DCDC2: variants seen among roughly 807,000 people sequenced by gnomAD.
The protein encoded by DCDC2 is doublecortin domain containing 2.
DCDC2 carries 40 observed loss-of-function variants against 50.2 expected under a neutral mutation model. The ratio of observed to expected loss-of-function variants is 0.80; its 90% confidence interval spans 0.62 to 1.04. The LOEUF is 1.04. Among genes scored for constraint, DCDC2 ranks in the 50% least tolerant of loss-of-function variants. The pLI is 0.00. For missense variants in DCDC2, 570 were observed against 581.9 expected (o/e 0.98, Z 0.21); for synonymous variants, 234 against 210.6 (o/e 1.11, Z -0.96).
chr6:24,207,258 C>T (rs1040920786), intron 7 of DCDC2, among the ~76,000 whole-genome samples: 1 of 134,134 alleles, frequency 7.5e-6, no homozygotes, highest in Non-Finnish European at 1.6e-5. Flanking sequence ...ATCTATCTTT[C>T]TCTCTCTCTC....
At position 24,306,172 on chromosome 6, in the gene DCDC2, G is replaced by A. The variant is rs962989294; in HGVS notation, c.349-4128C>T. On this transcript the variant is annotated intron_variant, in intron 2 of 9. Transcript: ENST00000378454. ...CTCAGAGCCCCGTGTAGCCAGGGAT[G>A]GAGTTCACTGGTGAGCAGACTGACC... Among the ~76,000 whole-genome samples, 11 of 152,254 alleles carry A rather than the reference G, an allele frequency of 7.2e-5. No homozygotes were observed. In the South Asian group the frequency reaches 2.3e-3, roughly 32 times the overall value.
chr6:24,269,819 G>T (rs1195940365), intron 7 of DCDC2, among the ~76,000 whole-genome samples: 1 of 151,872 alleles, frequency 6.6e-6, no homozygotes, highest in African/African-American at 2.4e-5. Context: ...AGAAAAGAGG[G>T]TCTAAATGCT....
intron 9 of DCDC2, among the ~76,000 whole-genome samples, chr6:24,175,045 A>G (rs1760872055): frequency 6.6e-6 from 1 of 152,162 alleles, no homozygotes; most frequent in Non-Finnish European, 1.5e-5. Flanking sequence ...TTTGGGGTTC[A>G]TAATCTACTA....
chr6:24,289,896 G>A (rs1003026317), intron 5 of DCDC2, among the ~76,000 whole-genome samples: 1 of 149,372 alleles, frequency 6.7e-6, no homozygotes, highest in Non-Finnish European at 1.5e-5. Context: ...CAGAATCTCT[G>A]GGAAAAGCAA....
Position 24,357,451 on chromosome 6 carries a change from G to T in DCDC2, c.293+7C>A. The T allele has an allele frequency of 6.3e-7, 1 of 1,590,806 alleles. No individual in the cohort carries two copies. Among genetic ancestry groups the T allele is most frequent in the Non-Finnish European group, 8.6e-7 (1 of 1,166,952 alleles). ...AAATGGGTGGGCGGTGGGGGAGACC[G>T]ACTCACTTGAGTTTCTTGAAGGCTT... On this transcript the variant is annotated splice_region_variant and intron_variant, in intron 1 of 9. Coordinates refer to ENST00000378454, the MANE Select transcript of DCDC2 (RefSeq NM_016356.5).
At chr6:24,319,342 C>T (rs1759731288) in intron 2 of DCDC2, among the ~76,000 whole-genome samples, 1 of 151,324 alleles carries the variant, frequency 6.6e-6, no homozygotes. Context: ...GGATATCAGT[C>T]CCCTGTGGGA....
the DCDC2 span, among the ~76,000 whole-genome samples, chr6:24,371,343 C>T: frequency 6.6e-6 from 1 of 151,064 alleles, no homozygotes; most frequent in African/African-American, 2.4e-5. Context: ...GTGGCTCACA[C>T]CTGTAATCCC....
intron 7 of DCDC2, among the ~76,000 whole-genome samples, chr6:24,255,577 T>C (rs1396137262): frequency 6.6e-6 from 1 of 152,046 alleles, no homozygotes; most frequent in African/African-American, 2.4e-5. Flanking sequence ...TAAAGAACTC[T>C]TACAAATCAA....
chr6:24,328,222 CTACTGGCACTG>C (rs1351278836), intron 2 of DCDC2, among the ~76,000 whole-genome samples: 1 of 152,214 alleles, frequency 6.6e-6, no homozygotes, highest in Non-Finnish European at 1.5e-5. Context: ...AATCCCCTGC[CTACTGGCACTG>C]AGTTGTTGAC....
chr6:24,237,473 A>AT lies in DCDC2; in HGVS notation c.923-32372_923-32371insA, dbSNP rs559821266. Among the ~76,000 whole-genome samples the AT allele has an allele frequency of 1.5e-3, 228 of 152,362 alleles. 5 individuals carry two copies. The highest frequency in any genetic ancestry group is 0.014 in the Admixed American group (210 of 15,306). ...GGAATGTTTATACGCTGTTGGTGGG[A>AT]ATGTAAATTAGTTCAGCAACTTTGG... is the stretch of plus-strand genomic sequence containing the variant. On this transcript the variant is annotated intron_variant, in intron 7 of 9. Coordinates refer to ENST00000378454, the MANE Select transcript of DCDC2 (RefSeq NM_016356.5).
Position 24,357,731 on chromosome 6 carries a change from C to G in DCDC2, c.20G>C (p.Arg7Thr). 1.2e-6 allele frequency: 2 copies of G among 1,612,468 alleles called. No homozygotes were observed. The highest frequency in any genetic ancestry group is 1.3e-5 in the African/African-American group (1 of 75,066). Reference protein sequence around the residue: MSGSSARSSHLSQPVVK... With the variant: MSGSSATSSHLSQPVVK... ...GACGGGCTGAGACAGGTGGCTGGAC[C>G]TGGCGCTGCTGCCGCTCATCTTCCC... The change falls in exon 1 of 10, where the codon AGG (arginine) becomes ACG (threonine). Residue 7 changes from arginine to threonine, a missense_variant. Transcript: ENST00000378454.
intron 7 of DCDC2, among the ~76,000 whole-genome samples, chr6:24,213,392 T>C (rs1761918412): frequency 6.6e-6 from 1 of 152,228 alleles, no homozygotes; most frequent in Middle Eastern, 3.4e-3. Flanking sequence ...AAAACCAGCA[T>C]GGTACTGGCA....
At chr6:24,338,836 G>C (rs1285003108) in intron 2 of DCDC2, among the ~76,000 whole-genome samples, 1 of 152,016 alleles carries the variant, frequency 6.6e-6, no homozygotes, top group Non-Finnish European at 1.5e-5. Context: ...AGTAGAGGGG[G>C]TTTCACCATG....
chr6:24,177,241 T>A (rs1318700), intron 9 of DCDC2, among the ~76,000 whole-genome samples: 12,505 of 152,260 alleles, frequency 0.082, 688 homozygotes, highest in East Asian at 0.17. Context: ...TTATCTCACC[T>A]TGAGAAAAGA....
chr6:24,345,415 G>A (rs574410230), intron 2 of DCDC2, among the ~76,000 whole-genome samples: 57 of 152,138 alleles, frequency 3.7e-4, no homozygotes, highest in African/African-American at 1.2e-3. Flanking sequence ...AGTACAACCC[G>A]GGTTCCCACA....
At chr6:24,232,038 T>C (rs868193839) in intron 7 of DCDC2, among the ~76,000 whole-genome samples, 19 of 148,838 alleles carry the variant, frequency 1.3e-4, no homozygotes, top group African/African-American at 3.0e-4. Context: ...CATACACACA[T>C]ACATACATAT....
At chr6:24,359,837 C>T (rs1760633360), upstream of DCDC2, among the ~76,000 whole-genome samples, 1 of 152,146 alleles carries the variant, frequency 6.6e-6, no homozygotes, top group South Asian at 2.1e-4. Flanking sequence ...TAACCCCCTC[C>T]CCGATGATCA....
At chr6:24,305,880 T>G (rs1759462104) in intron 2 of DCDC2, among the ~76,000 whole-genome samples, 1 of 151,848 alleles carries the variant, frequency 6.6e-6, no homozygotes, top group South Asian at 2.1e-4. Flanking sequence ...AATACAAAAA[T>G]TATCTGGGCG....
intron 8 of DCDC2, among the ~76,000 whole-genome samples, chr6:24,201,161 C>T (rs1761578767): frequency 6.6e-6 from 1 of 152,130 alleles, no homozygotes; most frequent in Non-Finnish European, 1.5e-5. Context: ...ACCTAATAGA[C>T]ATCAACAGAA....
Sources: gnomAD v4.1 joint callset for allele counts (sites outside exome capture counted in the v4.1 genomes callset) on GRCh38, gnomAD v4.1.1 for gene constraint, MANE v1.5 for transcripts, NCBI Gene and HGNC (gene_info 2026-07-23, HGNC 2026-07-21) for gene names.